Variants in CDK18 observed in about 807,000 individuals in gnomAD.
CDK18 encodes cyclin-dependent kinase 18.
CDK18 carries 52 observed loss-of-function variants against 62.0 expected under a neutral mutation model. The ratio of observed to expected loss-of-function variants is 0.84; its 90% CI spans 0.67 to 1.06. CDK18 has a LOEUF of 1.06. Among genes scored for constraint, CDK18 ranks in the 50% least tolerant of loss-of-function variants. The pLI is 0.00. For synonymous variants in CDK18, 237 were observed against 247.0 expected, an observed-to-expected ratio of 0.96 and a Z score of 0.38; for missense variants, 604 against 619.9, an observed-to-expected ratio of 0.97 and a Z score of 0.27.
chr1:205,523,199 G>T lies in CDK18; in HGVS notation c.32G>T (p.Arg11Leu). 1 of 1,613,346 alleles carries T rather than the reference G, an allele frequency of 6.2e-7. No individual in the cohort carries two copies. The highest frequency in any genetic ancestry group is 8.5e-7 in the Non-Finnish European group (1 of 1,179,552). MIMNKMKNFK[R>L]RFSLSVPRTE... The stretch of plus-strand genomic sequence containing the variant: ...ATGAACAAGATGAAGAACTTTAAGC[G>T]CCGTTTCTCCCTGTCAGTGCCCCGC... The change falls in exon 2 of 16, where the codon CGC becomes CTC. Residue 11 changes from arginine to leucine, a missense_variant. Physicochemically the swap from Arg to Leu is moderately radical, Grantham distance 102 (BLOSUM62 -2). Coordinates refer to ENST00000429964, the MANE Select transcript of CDK18 (RefSeq NM_212502.3).
At chr1:205,529,471 T>G in intron 12 of CDK18, 42 bp downstream of exon 12, 1 of 1,610,462 alleles carries the variant, frequency 6.2e-7, no homozygotes, top group Non-Finnish European at 8.5e-7. Flanking sequence ...CGGCCCTGGC[T>G]CTCCCATCCC....
chr1:205,516,721 G>A lies in CDK18; in HGVS notation c.-21-6426G>A, dbSNP rs1187425789. The A allele has an allele frequency of 6.6e-6, 1 of 152,250 alleles. No individual in the cohort carries two copies. The highest frequency in any genetic ancestry group is 1.5e-5 in the Non-Finnish European group (1 of 68,070). The allele number at this position is 152,250 out of a possible 1,614,324, so 9.4% of individuals were successfully genotyped here. On this transcript the variant is annotated intron_variant, in intron 1 of 15. Coordinates refer to ENST00000429964, the MANE Select transcript of CDK18 (RefSeq NM_212502.3). The surrounding 1 kb of genome is among the most constrained non-coding windows in gnomAD (Gnocchi z 4.8). Reference sequence around the variant, plus strand: ...AGTGAGTTCCAGGAAGCTCCTGAAGGCCCCAGAGACTTGTACAGCATGCAG... The same window carrying A: ...AGTGAGTTCCAGGAAGCTCCTGAAGACCCCAGAGACTTGTACAGCATGCAG...
Position 205,526,366 on chromosome 1 carries a change from G to C in CDK18, c.572-1G>C. ...ACCCAGGTGGATCTGTCTCCTCACAGTGTCTCTGCTGAAGAACCTGAAGCA... is the reference window on the plus strand; with the variant it reads ...ACCCAGGTGGATCTGTCTCCTCACACTGTCTCTGCTGAAGAACCTGAAGCA... On this transcript the variant is annotated splice_acceptor_variant, in intron 6 of 15. Transcript: ENST00000429964. LOFTEE classifies it high-confidence loss of function. 6.2e-7 allele frequency: 1 copy of C among 1,613,494 alleles called. No individual in the cohort carries two copies. The highest frequency in any genetic ancestry group is 8.5e-7 in the Non-Finnish European group (1 of 1,179,404).
At chr1:205,513,865 C>A (rs1211927324) in intron 1 of CDK18, among the ~76,000 whole-genome samples, 1 of 152,238 alleles carries the variant, frequency 6.6e-6, no homozygotes, top group Non-Finnish European at 1.5e-5. Flanking sequence ...CTCCACAGAC[C>A]TCACTGGGGG....
At chr1:205,508,279 AG>A (rs5780287) in intron 1 of CDK18, among the ~76,000 whole-genome samples, 9,496 of 152,274 alleles carry the variant, frequency 0.062, 408 homozygotes, top group Non-Finnish European at 0.09. Flanking sequence ...TCCCACATCC[AG>A]GGGGTGGGAG....
chr1:205,524,384 C>T, intron 4 of CDK18, 27 bp downstream of exon 4: 1 of 1,613,646 alleles, frequency 6.2e-7, no homozygotes, highest in Non-Finnish European at 8.5e-7. Flanking sequence ...TCAGAGGACA[C>T]AAGGTGGGGT....
rs1201756455 is a variant in CDK18, at chr1:205,532,771, AT to A, written c.*1396del. 6.6e-5 allele frequency: 10 copies of A among 152,232 alleles called. No homozygotes were observed. Among genetic ancestry groups the A allele is most frequent in the Non-Finnish European group, 1.5e-4 (10 of 67,960 alleles). The allele number at this position is 152,232 out of a possible 1,614,324, so 9.4% of individuals were successfully genotyped here. A position where few individuals can be genotyped will look rare whatever the true frequency, so the allele number is the denominator to read the frequency against. ...GACTCAGTGCAGAGACAGATAATAT[AT>A]TTAATTCATGTACAGAAAGGAGCGA... is the stretch of plus-strand genomic sequence containing the variant. On this transcript the variant is annotated 3_prime_UTR_variant, in exon 16 of 16. Transcript: ENST00000429964.
rs961159807 is a variant in CDK18, at chr1:205,530,619, C to T, written c.1313-9C>T. On this transcript the variant is annotated splice_polypyrimidine_tract_variant and intron_variant, in intron 14 of 15. Transcript: ENST00000429964. ...AGCCCTCTCCAGACTATGCACTTCT[C>T]TCCCCCAGCTGCCTCCATCTTCTCC... 10 of 1,613,668 alleles carry T rather than the reference C, an allele frequency of 6.2e-6. No homozygotes were observed. Among genetic ancestry groups the T allele is most frequent in the Non-Finnish European group, 7.6e-6 (9 of 1,179,736 alleles).
chr1:205,529,104 T>G lies in CDK18; in HGVS notation c.1072+8T>G. On this transcript the variant is annotated splice_region_variant and intron_variant, in intron 11 of 15. Coordinates refer to ENST00000429964, the MANE Select transcript of CDK18 (RefSeq NM_212502.3). ...TCATCTTTCGCCTCCTCGGTCAGTCTCCCGCTGCTCCGTCCCTCTCACCAC... is the reference window on the plus strand; with the variant it reads ...TCATCTTTCGCCTCCTCGGTCAGTCGCCCGCTGCTCCGTCCCTCTCACCAC... 6.4e-7 allele frequency: 1 copy of G among 1,563,906 alleles called. No homozygotes were observed.
Position 205,523,814 on chromosome 1 carries a change from A to G in CDK18, c.273+189A>G, listed in dbSNP as rs1668275160. ...TGGTCTCCTTGTCTTTAAAATGGTC[A>G]TCATGGATTAAATGGGTTTATCTAT... On this transcript the variant is annotated intron_variant, in intron 3 of 15. Coordinates refer to ENST00000429964, the MANE Select transcript of CDK18 (RefSeq NM_212502.3). The G allele has an allele frequency of 5.3e-6, 4 of 748,620 alleles. No individual in the cohort carries two copies. The South Asian group carries it at 5.9e-5, about 11-fold the overall frequency. 46.4% of individuals were successfully genotyped at this position (748,620 alleles called of 1,614,324 possible). A position where few individuals can be genotyped will look rare whatever the true frequency, so the allele number is the denominator to read the frequency against.
Position 205,517,912 on chromosome 1 carries a change from C to T in CDK18, c.-21-5235C>T, listed in dbSNP as rs187088901. On this transcript the variant is annotated intron_variant, in intron 1 of 15. Coordinates refer to ENST00000429964, the MANE Select transcript of CDK18 (RefSeq NM_212502.3). This position sits in a 1 kb window ranked among gnomAD's most constrained non-coding sequence, Gnocchi z 4.1. Reference sequence around the variant, plus strand: ...TGATCATGTCACTCATCCGTTCAAACCCTCCTTACCCCTCGAGGCCCAACA... The same window carrying T: ...TGATCATGTCACTCATCCGTTCAAATCCTCCTTACCCCTCGAGGCCCAACA... Among the ~76,000 whole-genome samples the T allele has an allele frequency of 5.3e-5, 8 of 152,280 alleles. No individual in the cohort carries two copies. Among genetic ancestry groups the T allele is most frequent in the Admixed American group, 1.3e-4 (2 of 15,298 alleles).
chr1:205,531,502 C>T lies in CDK18; in HGVS notation c.*124C>T, dbSNP rs559726084. On this transcript the variant is annotated 3_prime_UTR_variant, in exon 16 of 16. Coordinates refer to ENST00000429964, the MANE Select transcript of CDK18 (RefSeq NM_212502.3). ...AGGGCTGACAGCCAGCCTGGAAGAC[C>T]GCTTGGCAGCCCTTCTGGCCACGGC... The T allele has an allele frequency of 3.1e-5, 27 of 860,858 alleles. No individual in the cohort carries two copies. Among genetic ancestry groups the T allele is most frequent in the South Asian group, 1.2e-4 (8 of 68,804 alleles). 53.3% of individuals were successfully genotyped at this position (860,858 alleles called of 1,614,324 possible). A position where few individuals can be genotyped will look rare whatever the true frequency, so the allele number is the denominator to read the frequency against.
rs1042827 is a variant in CDK18 at position 205,531,645 on chromosome 1, G to T, written c.*267G>T. Reference sequence around the variant, plus strand: ...CTTCCCTGAGAGGACATGAGGGGGGGGCGGTCCTCGTACCCTCTCCCACCC... The same window carrying T: ...CTTCCCTGAGAGGACATGAGGGGGGTGCGGTCCTCGTACCCTCTCCCACCC... On this transcript the variant is annotated 3_prime_UTR_variant, in exon 16 of 16. Coordinates refer to ENST00000429964, the MANE Select transcript of CDK18 (RefSeq NM_212502.3). The T allele has an allele frequency of 1.0e-5, 5 of 481,808 alleles. No individual in the cohort carries two copies. The highest frequency in any genetic ancestry group is 7.9e-5 in the East Asian group (2 of 25,458). 29.8% of individuals were successfully genotyped at this position (481,808 alleles called of 1,614,324 possible).
chr1:205,512,659 G>A (rs184051413), intron 1 of CDK18, among the ~76,000 whole-genome samples: 5 of 152,346 alleles, frequency 3.3e-5, no homozygotes, highest in Admixed American at 2.6e-4. Flanking sequence ...GAGGAGCCCA[G>A]TGGAGTTCTT....
Position 205,524,204 on chromosome 1 carries a change from T to C in CDK18, c.274-28T>C, listed in dbSNP as rs750404349. ...CTAGCTACCCTGAAACCAACAGTGG[T>C]GTCCCCATCTCATCCCTGTCACCAC... On this transcript the variant is annotated intron_variant, in intron 3 of 15. Coordinates refer to ENST00000429964, the MANE Select transcript of CDK18 (RefSeq NM_212502.3). 2.5e-6 allele frequency: 4 copies of C among 1,613,880 alleles called. No individual in the cohort carries two copies. In the Admixed American group the frequency reaches 6.7e-5, roughly 27 times the overall value.
chr1:205,512,262 AAG>A (rs778724858), intron 1 of CDK18, among the ~76,000 whole-genome samples: 35 of 152,118 alleles, frequency 2.3e-4, no homozygotes, highest in Non-Finnish European at 3.7e-4. Context: ...CAAAGGGCCA[AAG>A]AGAGAATTGT....
intron 3 of CDK18, 134 bp from the exon 4 acceptor site, chr1:205,524,098 G>C: frequency 1.9e-6 from 2 of 1,043,178 alleles, no homozygotes; most frequent in Non-Finnish European, 2.9e-6. Context: ...TGAGCCTGGG[G>C]TCACAGCCTG....
At position 205,528,939 on chromosome 1, in the gene CDK18, C is replaced by A; in HGVS notation, c.975-60C>A. 9.0e-7 allele frequency: 1 copy of A among 1,114,976 alleles called. No individual in the cohort carries two copies. The highest frequency in any genetic ancestry group is 2.4e-5 in the Admixed American group (1 of 42,262). The allele number at this position is 1,114,976 out of a possible 1,614,324, so 69.1% of individuals were successfully genotyped here. ...GGTCGTCATTGGTGCCCTGGTGGAG[C>A]AGCCCTAGGAAGGGCGGCCGCCCCT... On this transcript the variant is annotated intron_variant, in intron 10 of 15. Transcript: ENST00000429964. The surrounding 1 kb of genome is among the most constrained non-coding windows in gnomAD (Gnocchi z 4.2).
intron 4 of CDK18, 101 bp from the exon 5 acceptor site, chr1:205,525,038 C>A: frequency 1.4e-6 from 1 of 694,396 alleles, no homozygotes; most frequent in South Asian, 1.9e-5. Context: ...ACCATGGAGT[C>A]TCATCCCTTC....
Sources: allele counts gnomAD v4.1 joint callset (sites outside exome capture counted in the v4.1 genomes callset), GRCh38; gene constraint gnomAD v4.1.1; non-coding constraint Gnocchi (gnomAD v3.1); transcripts MANE v1.5; gene names NCBI Gene and HGNC (gene_info 2026-07-23, HGNC 2026-07-21).